SCMH1: variants seen among roughly 807,000 people sequenced by gnomAD.
SCMH1 encodes polycomb protein SCMH1.
In SCMH1, 37 loss-of-function variants were observed where a neutral mutation model predicts 70.8. The observed-to-expected ratio is 0.52, with a 90% CI of 0.40 to 0.69. The LOEUF is 0.69. Ranked by LOEUF, SCMH1 falls within the 30% of genes least tolerant of loss-of-function variation. The pLI is 0.00. For missense variants in SCMH1, 607 were observed against 827.3 expected, an observed-to-expected ratio of 0.73 and a Z score of 3.27; for synonymous variants, 292 against 307.4, an observed-to-expected ratio of 0.95 and a Z score of 0.52.
intron 8 of SCMH1, among the ~76,000 whole-genome samples, chr1:41,108,960 C>T (rs1668633574): frequency 1.3e-5 from 2 of 152,184 alleles, no homozygotes; most frequent in African/African-American, 4.8e-5. Flanking sequence ...CTACACCATA[C>T]TTTTTCTTTC....
At chr1:41,070,567 C>A (rs201933374) in intron 10 of SCMH1, 28 bp downstream of exon 10, 12 of 1,613,242 alleles carry the variant, frequency 7.4e-6, no homozygotes, top group Non-Finnish European at 9.3e-6. Context: ...GGGGCTTGTG[C>A]GCAGGTAGTC....
chr1:41,029,951 T>C (rs1409747894), intron 13 of SCMH1, among the ~76,000 whole-genome samples: 2 of 152,228 alleles, frequency 1.3e-5, no homozygotes, highest in East Asian at 3.8e-4. Flanking sequence ...TCATGGCTCA[T>C]GCCTATAATC....
intron 6 of SCMH1, among the ~76,000 whole-genome samples, chr1:41,132,895 G>T (rs932984985): frequency 6.6e-6 from 1 of 152,082 alleles, no homozygotes; most frequent in Non-Finnish European, 1.5e-5. Flanking sequence ...TGTTCCATTG[G>T]TCTATATATC....
chr1:41,079,569 A>G, intron 8 of SCMH1, among the ~76,000 whole-genome samples: 1 of 152,238 alleles, frequency 6.6e-6, no homozygotes, highest in East Asian at 1.9e-4. Context: ...AGACAATTTC[A>G]TCATAGATCC....
rs770142967 is a variant in SCMH1 at position 41,113,296 on chromosome 1, A to G, written c.732T>C (p.Pro244=). The G allele has an allele frequency of 1.1e-5, 18 of 1,613,346 alleles. No individual in the cohort carries two copies. Among genetic ancestry groups the G allele is most frequent in the Non-Finnish European group, 1.4e-5 (17 of 1,179,790 alleles). ...ATGGGCCTTTACCTTTGGTGCCAGG[A>G]GGCTGCAGGTTGTCTCCAGTCAAGG... Residue 244 remains proline, a synonymous_variant, in exon 8 of 15, where the codon CCT becomes CCC. Coordinates refer to ENST00000337495, the Ensembl canonical transcript of SCMH1. The surrounding 1 kb of genome is among the most constrained non-coding windows in gnomAD (Gnocchi z 4.3).
chr1:41,169,996 A>G (rs562435937), intron 2 of SCMH1, among the ~76,000 whole-genome samples: 27 of 152,260 alleles, frequency 1.8e-4, no homozygotes, highest in African/African-American at 6.3e-4. Context: ...AACTCCCCCA[A>G]TGTAAGTTAG....
At chr1:41,059,441 T>C (rs1416289415) in intron 10 of SCMH1, among the ~76,000 whole-genome samples, 1 of 152,128 alleles carries the variant, frequency 6.6e-6, no homozygotes, top group African/African-American at 2.4e-5. Context: ...TGGCTGGGGA[T>C]GGTCAGAGAG....
chr1:41,142,990 C>T, exon 6 of SCMH1: 1 of 1,614,194 alleles, frequency 6.2e-7, no homozygotes, highest in Non-Finnish European at 8.5e-7. Flanking sequence ...CATCAAGGCG[C>T]AGGCGAAGGC....
chr1:41,173,697 G>A (rs956539454), intron 2 of SCMH1, among the ~76,000 whole-genome samples: 2 of 152,148 alleles, frequency 1.3e-5, no homozygotes, highest in Non-Finnish European at 2.9e-5. Flanking sequence ...TAATAGTCAA[G>A]ATATGGGATC....
rs190054737 is a variant in SCMH1 at position 41,080,890 on chromosome 1, C to T, written c.746-5439G>A. ...AATAACTACTATCACCACTTCTATTCGACATTGTATTGGAGGTCAATGCAA... is the reference window on the plus strand; with the variant it reads ...AATAACTACTATCACCACTTCTATTTGACATTGTATTGGAGGTCAATGCAA... On this transcript the variant is annotated intron_variant, in intron 8 of 14. Transcript: ENST00000337495. Among the ~76,000 whole-genome samples the T allele has an allele frequency of 1.4e-3, 208 of 152,128 alleles. No individual in the cohort carries two copies. The Middle Eastern group carries it at 0.017, about 13-fold the overall frequency.
chr1:41,185,023 C>T lies in SCMH1; in HGVS notation c.13+1098G>A, dbSNP rs534742676. Reference sequence around the variant, plus strand: ...ACATATCTAGGTCAATACAATGAATCAATGAATGCAATATTATGGGTTTAA... The same window carrying T: ...ACATATCTAGGTCAATACAATGAATTAATGAATGCAATATTATGGGTTTAA... On this transcript the variant is annotated intron_variant, in intron 2 of 14. Transcript: ENST00000337495. Among the ~76,000 whole-genome samples, 26 of 152,286 alleles carry T rather than the reference C, an allele frequency of 1.7e-4. No individual in the cohort carries two copies. In the South Asian group the frequency reaches 5.2e-3, roughly 30 times the overall value.
chr1:41,080,592 A>G (rs958347319), intron 8 of SCMH1, among the ~76,000 whole-genome samples: 41 of 152,290 alleles, frequency 2.7e-4, no homozygotes, highest in African/African-American at 7.9e-4. Flanking sequence ...AGTGGGATTT[A>G]TTTCAGAAAT....
intron 10 of SCMH1, among the ~76,000 whole-genome samples, chr1:41,057,352 G>T (rs1650764609): frequency 1.3e-5 from 2 of 151,902 alleles, no homozygotes; most frequent in African/African-American, 4.8e-5. Flanking sequence ...TGCAACCTCC[G>T]CCTCCCGGGT....
At chr1:41,041,319 A>G (rs981733830) in intron 12 of SCMH1, 1 of 151,976 alleles carries the variant, frequency 6.6e-6, no homozygotes, top group Non-Finnish European at 1.5e-5. Flanking sequence ...ACCATATGAC[A>G]GTTAGGATGA....
intron 2 of SCMH1, among the ~76,000 whole-genome samples, chr1:41,170,451 C>G (rs892551969): frequency 6.6e-6 from 1 of 152,188 alleles, no homozygotes; most frequent in African/African-American, 2.4e-5. Context: ...CTCTGACTTT[C>G]TCTGAGAGAG....
At chr1:41,227,713 G>A (rs1660536922) in intron 1 of SCMH1, among the ~76,000 whole-genome samples, 1 of 152,192 alleles carries the variant, frequency 6.6e-6, no homozygotes, top group Non-Finnish European at 1.5e-5. Flanking sequence ...TGGGCGCAGT[G>A]GCTCACGTCT....
At chr1:41,216,749 T>C (rs1341805673) in intron 1 of SCMH1, among the ~76,000 whole-genome samples, 1 of 152,248 alleles carries the variant, frequency 6.6e-6, no homozygotes, top group Non-Finnish European at 1.5e-5. Flanking sequence ...AGATACTTTG[T>C]ACTCACTGTT....
intron 4 of SCMH1, chr1:41,159,869 A>G (rs1173619453): frequency 3.9e-6 from 5 of 1,292,344 alleles, no homozygotes; most frequent in African/African-American, 1.5e-5. Flanking sequence ...TCCAAAGTTG[A>G]AAAGTATTTG....
intron 13 of SCMH1, among the ~76,000 whole-genome samples, chr1:41,035,804 C>A (rs188402001): frequency 6.6e-6 from 1 of 152,050 alleles, no homozygotes; most frequent in Admixed American, 6.6e-5. Context: ...CCTTTTTTTT[C>A]TCATCAAAGT....
Sources: gnomAD v4.1 joint callset for allele counts (sites outside exome capture counted in the v4.1 genomes callset) on GRCh38, gnomAD v4.1.1 for gene constraint, Gnocchi (gnomAD v3.1) non-coding constraint, MANE v1.5 for transcripts, NCBI Gene and HGNC (gene_info 2026-07-23, HGNC 2026-07-21) for gene names.